The following ANO3 variants were observed in gnomAD, a reference collection of about 807,000 sequenced individuals.
The protein encoded by ANO3 is anoctamin-3.
Under a neutral mutation model 144.8 loss-of-function variants are expected in ANO3, and 99 were observed. The observed-to-expected ratio is 0.68, with a 90% CI of 0.58 to 0.81. The LOEUF (loss-of-function observed/expected upper bound fraction) is 0.81, where lower values mean the gene tolerates loss of function less well. Ranked by LOEUF, ANO3 falls within the 30% of genes least tolerant of loss-of-function variation. The pLI is 0.00. For missense variants in ANO3, 905 were observed against 1,202.2 expected (o/e 0.75, Z 3.66); for synonymous variants, 414 against 392.6 (o/e 1.05, Z -0.64).
At chr11:26,581,321 T>C (rs1004732191) in intron 14 of ANO3, among the ~76,000 whole-genome samples, 8 of 151,574 alleles carry the variant, frequency 5.3e-5, no homozygotes, top group African/African-American at 1.9e-4. Context: ...TTTTTTTTTT[T>C]GTATGCTCAC....
chr11:26,392,192 G>A (rs1856898735), intron 1 of ANO3, among the ~76,000 whole-genome samples: 1 of 146,102 alleles, frequency 6.8e-6, no homozygotes, highest in Admixed American at 6.8e-5. Context: ...CACAAGACTG[G>A]TTTTCTGAAC....
intron 1 of ANO3, among the ~76,000 whole-genome samples, chr11:26,370,293 C>A (rs575240631): frequency 7.2e-5 from 11 of 152,134 alleles, no homozygotes; most frequent in Non-Finnish European, 1.6e-4. Flanking sequence ...CTTTTTCCTG[C>A]TGCCATGAAA....
At position 26,553,224 on chromosome 11, in the gene ANO3, G is replaced by GTTTT. The variant is rs367822925; in HGVS notation, c.1290-23_1290-20dup. On this transcript the variant is annotated intron_variant, in intron 12 of 26. Transcript: ENST00000256737. ...ACAGTTTCATGCTATGTTTTGTTTT[G>GTTTT]TTTTTGTTTTTGTTTTTTCTCAAGC... is the stretch of plus-strand genomic sequence containing the variant. The GTTTT allele has an allele frequency of 5.2e-5, 61 of 1,174,274 alleles. 1 individual carries two copies. Among genetic ancestry groups the GTTTT allele is most frequent in the African/African-American group, 5.1e-4 (23 of 44,974 alleles). 72.7% of individuals were successfully genotyped at this position (1,174,274 alleles called of 1,614,324 possible).
At chr11:26,537,009 T>TGA (rs1849527820) in intron 9 of ANO3, among the ~76,000 whole-genome samples, 1 of 148,410 alleles carries the variant, frequency 6.7e-6, no homozygotes, top group Non-Finnish European at 1.5e-5. Context: ...CCTTTAAATT[T>TGA]TTTTTTTTTT....
chr11:26,499,518 TTA>T (rs1491332354), intron 4 of ANO3, among the ~76,000 whole-genome samples: 5 of 93,948 alleles, frequency 5.3e-5, no homozygotes, highest in Middle Eastern at 8.1e-3. Flanking sequence ...TTAAATTAAC[TTA>T]TTTTTTTAGT....
At chr11:26,396,391 C>T (rs566721185) in intron 1 of ANO3, among the ~76,000 whole-genome samples, 3 of 152,200 alleles carry the variant, frequency 2.0e-5, no homozygotes, top group African/African-American at 4.8e-5. Context: ...TGTGGCGATC[C>T]CTCAAGGATC....
chr11:26,246,569 T>G (rs1173829768), intron 1 of ANO3, among the ~76,000 whole-genome samples: 56 of 149,376 alleles, frequency 3.7e-4, no homozygotes, highest in African/African-American at 1.3e-3. Context: ...TTAATTTTCT[T>G]TTGAATTTTT....
In ANO3 at chr11:26,489,443, G is replaced by A. The variant is rs190433696; in HGVS notation, c.433-18661G>A. Among the ~76,000 whole-genome samples the A allele has an allele frequency of 3.0e-3, 462 of 152,342 alleles. 5 individuals are homozygous for A. Among genetic ancestry groups the A allele is most frequent in the African/African-American group, 0.01 (425 of 41,574 alleles). ...TAGGGCAGTGCAGAAGGGAAATGTGGGGTTGGAGCTCCCAAACGTAGTCTC... is the reference window on the plus strand; with the variant it reads ...TAGGGCAGTGCAGAAGGGAAATGTGAGGTTGGAGCTCCCAAACGTAGTCTC... On this transcript the variant is annotated intron_variant, in intron 4 of 26. Transcript: ENST00000256737.
At chr11:26,340,479 C>A (rs1855327827) in intron 1 of ANO3, among the ~76,000 whole-genome samples, 1 of 152,166 alleles carries the variant, frequency 6.6e-6, no homozygotes. Context: ...ACCTAACATT[C>A]TTGTTAAAAT....
At chr11:26,270,738 AG>A (rs1853420706) in intron 1 of ANO3, among the ~76,000 whole-genome samples, 1 of 152,194 alleles carries the variant, frequency 6.6e-6, no homozygotes, top group Non-Finnish European at 1.5e-5. Flanking sequence ...TCTCTCCAAA[AG>A]TTTATAATCT....
intron 1 of ANO3, among the ~76,000 whole-genome samples, chr11:26,333,284 CTTTTT>C (rs34291798): frequency 7.4e-6 from 1 of 134,426 alleles, no homozygotes. Context: ...AGCTCTTTGA[CTTTTT>C]TTTTTTTTTT....
chr11:26,463,022 T>C lies in ANO3; in HGVS notation c.314-8T>C. On this transcript the variant is annotated splice_region_variant and splice_polypyrimidine_tract_variant and intron_variant, in intron 3 of 26. Coordinates refer to ENST00000256737, the MANE Select transcript of ANO3 (RefSeq NM_031418.4). ...AAATGGATATAACTTTCTCTTTCTC[T>C]TTTATAGCCCTAGGAAAAGATAAGG... 3 of 1,440,346 alleles carry C rather than the reference T, an allele frequency of 2.1e-6. No homozygotes were observed. Among genetic ancestry groups the C allele is most frequent in the Non-Finnish European group, 2.8e-6 (3 of 1,062,766 alleles). The allele number at this position is 1,440,346 out of a possible 1,614,324, so 89.2% of individuals were successfully genotyped here.
At chr11:26,511,532 C>T (rs1224050972) in intron 5 of ANO3, among the ~76,000 whole-genome samples, 1 of 152,172 alleles carries the variant, frequency 6.6e-6, no homozygotes, top group East Asian at 1.9e-4. Flanking sequence ...TCAATCTACA[C>T]TTACTAATAC....
rs1194289310 is a variant in ANO3 at position 26,521,296 on chromosome 11, T to A, written c.693-4339T>A. 2.0e-5 allele frequency among the ~76,000 whole-genome samples: 3 copies of A among 152,206 alleles called. No individual in the cohort carries two copies. The East Asian group carries it at 5.8e-4, about 29-fold the overall frequency. Reference sequence around the variant, plus strand: ...TTTTTAGGATAATATTTTTTAAAAATTTATGCATTCAAAATTTTACTCATA... The same window carrying A: ...TTTTTAGGATAATATTTTTTAAAAAATTATGCATTCAAAATTTTACTCATA... On this transcript the variant is annotated intron_variant, in intron 6 of 26. Coordinates refer to ENST00000256737, the MANE Select transcript of ANO3 (RefSeq NM_031418.4).
At chr11:26,334,643 C>T (rs1310306242) in intron 1 of ANO3, among the ~76,000 whole-genome samples, 4 of 152,154 alleles carry the variant, frequency 2.6e-5, no homozygotes, top group Non-Finnish European at 5.9e-5. Flanking sequence ...CCTTTTCTGT[C>T]TCTCTTCCTC....
intron 1 of ANO3, among the ~76,000 whole-genome samples, chr11:26,436,344 G>A (rs961301712): frequency 3.9e-5 from 6 of 152,162 alleles, no homozygotes; most frequent in African/African-American, 1.4e-4. Flanking sequence ...TCCCAGCAGG[G>A]GGTGGACCCA....
chr11:26,289,451 T>C (rs1321634241), intron 1 of ANO3, among the ~76,000 whole-genome samples: 1 of 149,262 alleles, frequency 6.7e-6, no homozygotes, highest in Non-Finnish European at 1.5e-5. Flanking sequence ...AATATATATA[T>C]AGCACTGCCT....
rs1476061774 is a variant in ANO3 at position 26,452,624 on chromosome 11, G to A, written c.313+8788G>A. ...TCTGATTGGTATACCTGAAAGTGAC[G>A]GGGAGAATGGAACCAAGTTGGAAAA... On this transcript the variant is annotated intron_variant, in intron 3 of 26. Coordinates refer to ENST00000256737, the MANE Select transcript of ANO3 (RefSeq NM_031418.4). Among the ~76,000 whole-genome samples, 32 of 152,168 alleles carry A rather than the reference G, an allele frequency of 2.1e-4. 1 individual carries two copies. The highest frequency in any genetic ancestry group is 4.3e-4 in the Non-Finnish European group (29 of 68,030).
intron 1 of ANO3, among the ~76,000 whole-genome samples, chr11:26,383,149 G>A (rs1014619243): frequency 6.6e-6 from 1 of 152,114 alleles, no homozygotes; most frequent in African/African-American, 2.4e-5. Flanking sequence ...GTGATCAAAT[G>A]AGGTAGGAAT....
Sources: allele counts gnomAD v4.1 joint callset (sites outside exome capture counted in the v4.1 genomes callset), GRCh38; gene constraint gnomAD v4.1.1; transcripts MANE v1.5; gene names NCBI Gene and HGNC (gene_info 2026-07-23, HGNC 2026-07-21).